FIGN: variants seen among roughly 807,000 people sequenced by gnomAD.
FIGN encodes fidgetin, microtubule severing factor.
In FIGN, 11 loss-of-function variants were observed where a neutral mutation model predicts 51.3. The observed-to-expected ratio is 0.21, with a 90% CI of 0.13 to 0.35. The LOEUF is 0.35. Among genes scored for constraint, FIGN ranks in the 10% least tolerant of loss-of-function variants. The pLI is 1.00. For synonymous variants in FIGN, 407 were observed against 363.2 expected (o/e 1.12, Z -1.37); for missense variants, 857 against 943.6 (o/e 0.91, Z 1.20).
intron 2 of FIGN, among the ~76,000 whole-genome samples, chr2:163,714,771 A>ACT (rs1684643266): frequency 6.6e-6 from 1 of 152,228 alleles, no homozygotes; most frequent in Non-Finnish European, 1.5e-5. Flanking sequence ...CTTGAAAATT[A>ACT]ATCTTATACC....
chr2:163,620,993 T>C (rs1007775309), intron 2 of FIGN, among the ~76,000 whole-genome samples: 6 of 151,950 alleles, frequency 3.9e-5, no homozygotes, highest in African/African-American at 1.5e-4. Context: ...AATTAAGAAA[T>C]CTTCCAAACC....
rs1683512601 is a variant in FIGN, at chr2:163,653,679, T to G, written c.26-41873A>C. Among the ~76,000 whole-genome samples the G allele has an allele frequency of 2.6e-5, 4 of 152,106 alleles. No homozygotes were observed. In the South Asian group the frequency reaches 6.2e-4, roughly 24 times the overall value. On this transcript the variant is annotated intron_variant, in intron 2 of 2. Transcript: ENST00000333129. ...GTCATCTATTTTAAGCATACAATTT[T>G]AAAATATTTATGTGATCTTAATCTA...
intron 2 of FIGN, among the ~76,000 whole-genome samples, chr2:163,653,347 T>A (rs1005105066): frequency 9.2e-5 from 14 of 152,078 alleles, no homozygotes; most frequent in African/African-American, 2.9e-4. Flanking sequence ...ATGCACTATA[T>A]ACATTTTATA....
At chr2:163,623,089 G>A (rs1023755408) in intron 2 of FIGN, among the ~76,000 whole-genome samples, 3 of 152,204 alleles carry the variant, frequency 2.0e-5, no homozygotes, top group East Asian at 1.9e-4. Flanking sequence ...TCTGGGTACC[G>A]ATATGTGCAT....
In FIGN at chr2:163,716,154, T is replaced by C. The variant is rs115260805; in HGVS notation, c.25+18749A>G. Among the ~76,000 whole-genome samples the C allele has an allele frequency of 2.7e-3, 414 of 152,352 alleles. 3 individuals are homozygous for C. The highest frequency in any genetic ancestry group is 9.5e-3 in the African/African-American group (396 of 41,582). ...GTTTCTAATTAAAATGTAAACAGCG[T>C]AATGAAGACATCAAGTTTTTAGGCA... On this transcript the variant is annotated intron_variant, in intron 2 of 2. Coordinates refer to ENST00000333129, the MANE Select transcript of FIGN (RefSeq NM_018086.4).
intron 2 of FIGN, among the ~76,000 whole-genome samples, chr2:163,654,402 T>C (rs771380039): frequency 3.3e-5 from 5 of 152,186 alleles, no homozygotes; most frequent in Non-Finnish European, 5.9e-5. Context: ...TAAGAAAAGA[T>C]ACATTATTGA....
chr2:163,651,316 G>A (rs755210133), intron 2 of FIGN, among the ~76,000 whole-genome samples: 40 of 152,074 alleles, frequency 2.6e-4, no homozygotes, highest in Non-Finnish European at 5.3e-4. Flanking sequence ...CACAAAATTA[G>A]CCAGGCGTGG....
At chr2:163,673,672 A>G (rs1683914290) in intron 2 of FIGN, among the ~76,000 whole-genome samples, 1 of 152,114 alleles carries the variant, frequency 6.6e-6, no homozygotes, top group Non-Finnish European at 1.5e-5. Flanking sequence ...GATTAAAACT[A>G]TATGCTCTCT....
At chr2:163,625,169 CT>C in intron 2 of FIGN, among the ~76,000 whole-genome samples, 1 of 152,044 alleles carries the variant, frequency 6.6e-6, no homozygotes, top group East Asian at 1.9e-4. Flanking sequence ...GCTATCAAGT[CT>C]TTCTTCATCA....
At chr2:163,655,174 T>C (rs572659621) in intron 2 of FIGN, among the ~76,000 whole-genome samples, 1 of 152,126 alleles carries the variant, frequency 6.6e-6, no homozygotes, top group African/African-American at 2.4e-5. Context: ...TCTTTGAAGT[T>C]GAAGTAGCCA....
At chr2:163,732,469 C>T (rs1208976988) in intron 2 of FIGN, among the ~76,000 whole-genome samples, 1 of 152,178 alleles carries the variant, frequency 6.6e-6, no homozygotes, top group Non-Finnish European at 1.5e-5. Flanking sequence ...TCTACATATT[C>T]TTCCAAAATA....
At chr2:163,731,877 C>T (rs555242881) in intron 2 of FIGN, among the ~76,000 whole-genome samples, 339 of 152,226 alleles carry the variant, frequency 2.2e-3, no homozygotes, top group Non-Finnish European at 4.1e-3. Flanking sequence ...TGCTATGATT[C>T]TTTCATTTCA....
intron 2 of FIGN, among the ~76,000 whole-genome samples, chr2:163,690,040 A>G (rs1462098311): frequency 6.6e-6 from 1 of 152,146 alleles, no homozygotes; most frequent in East Asian, 1.9e-4. Context: ...CTTTTCTTCC[A>G]GTTATGTCAG....
At chr2:163,640,217 A>G (rs191720884) in intron 2 of FIGN, among the ~76,000 whole-genome samples, 1 of 152,346 alleles carries the variant, frequency 6.6e-6, no homozygotes, top group African/African-American at 2.4e-5. Flanking sequence ...TAACATGTTT[A>G]ATCAAGTTAG....
At position 163,632,636 on chromosome 2, in the gene FIGN, T is replaced by C. The variant is rs1978907; in HGVS notation, c.26-20830A>G. Among the ~76,000 whole-genome samples, 120 of 151,570 alleles carry C rather than the reference T, an allele frequency of 7.9e-4. No individual in the cohort carries two copies. In the East Asian group the frequency reaches 0.019, roughly 23 times the overall value. On this transcript the variant is annotated intron_variant, in intron 2 of 2. Transcript: ENST00000333129. ...GGGATAAAAACAACTTCCTTGAAAG[T>C]TTGTTCAGAGGATTAAATGAGATAA... is the stretch of plus-strand genomic sequence containing the variant.
At chr2:163,620,352 AGGACATACCACGTATGTCCATAG>A (rs1241743892) in intron 2 of FIGN, among the ~76,000 whole-genome samples, 1 of 152,072 alleles carries the variant, frequency 6.6e-6, no homozygotes, top group Non-Finnish European at 1.5e-5. Flanking sequence ...CCAGATCATC[AGGACATACCACGTATGTCCATAG>A]GGACTGCAGT....
intron 2 of FIGN, among the ~76,000 whole-genome samples, chr2:163,704,718 G>A (rs747009036): frequency 2.1e-5 from 3 of 144,560 alleles, no homozygotes; most frequent in African/African-American, 7.7e-5. Context: ...AACAAATAGC[G>A]GTTACTATTC....
At chr2:163,685,934 A>T (rs531218235) in intron 2 of FIGN, among the ~76,000 whole-genome samples, 13 of 152,298 alleles carry the variant, frequency 8.5e-5, no homozygotes, top group African/African-American at 2.4e-4. Flanking sequence ...ACAACAATAA[A>T]TTTTTAAAGG....
At chr2:163,654,040 C>A (rs1363274370) in intron 2 of FIGN, among the ~76,000 whole-genome samples, 1 of 151,966 alleles carries the variant, frequency 6.6e-6, no homozygotes, top group East Asian at 1.9e-4. Context: ...GTAGCCAGGC[C>A]TCATTTTGAA....
Sources: allele counts gnomAD v4.1 joint callset (sites outside exome capture counted in the v4.1 genomes callset), GRCh38; gene constraint gnomAD v4.1.1; transcripts MANE v1.5; gene names NCBI Gene and HGNC (gene_info 2026-07-23, HGNC 2026-07-21).